THSD7B: variants seen among roughly 807,000 people sequenced by gnomAD.
The protein encoded by THSD7B is thrombospondin type 1 domain containing 7B.
A neutral mutation model predicts 213.6 loss-of-function variants in THSD7B; 138 were observed. That is an observed-to-expected ratio of 0.65 (90% CI 0.56 to 0.74). The LOEUF is 0.74. Ranked by LOEUF, THSD7B falls within the 30% of genes least tolerant of loss-of-function variation. The probability of loss-of-function intolerance (pLI) is 0.00; values close to 1 mark genes in which losing one functional copy is unlikely to be tolerated. For synonymous variants in THSD7B, 742 were observed against 687.0 expected (o/e 1.08, Z -1.25); for missense variants, 1,931 against 1,991.5 (o/e 0.97, Z 0.58).
At chr2:137,612,381 T>C (rs1015368396) in intron 17 of THSD7B, among the ~76,000 whole-genome samples, 1 of 152,150 alleles carries the variant, frequency 6.6e-6, no homozygotes, top group Non-Finnish European at 1.5e-5. Context: ...GTAATTCTGG[T>C]TACCCCTATT....
chr2:137,403,115 C>T (rs532697692), intron 12 of THSD7B, among the ~76,000 whole-genome samples: 1 of 151,984 alleles, frequency 6.6e-6, no homozygotes, highest in South Asian at 2.1e-4. Flanking sequence ...GTCCCTGCGA[C>T]GTGGATAAAA....
intron 12 of THSD7B, among the ~76,000 whole-genome samples, chr2:137,359,850 C>T (rs1356791059): frequency 6.6e-6 from 1 of 152,132 alleles, no homozygotes; most frequent in Non-Finnish European, 1.5e-5. Context: ...TCCGCCAACC[C>T]CACATTCACA....
chr2:136,848,254 C>T (rs1013406857), intron 1 of THSD7B, among the ~76,000 whole-genome samples: 9 of 152,120 alleles, frequency 5.9e-5, no homozygotes, highest in South Asian at 2.1e-4. Context: ...TACTATTAGG[C>T]GGCCCAGTGC....
intron 2 of THSD7B, among the ~76,000 whole-genome samples, chr2:136,946,749 T>G (rs554055517): frequency 1.3e-5 from 2 of 152,342 alleles, no homozygotes; most frequent in African/African-American, 4.8e-5. Flanking sequence ...TCTACTGCGC[T>G]AGCAGTGAGC....
intron 1 of THSD7B, among the ~76,000 whole-genome samples, chr2:136,786,640 T>C (rs72975544): frequency 0.015 from 2,294 of 152,272 alleles, 63 homozygotes; most frequent in African/African-American, 0.052. Context: ...TTTTGTATAA[T>C]TCAGATTGCA....
At chr2:136,990,309 A>G (rs540973744) in intron 2 of THSD7B, among the ~76,000 whole-genome samples, 2 of 152,338 alleles carry the variant, frequency 1.3e-5, no homozygotes, top group Non-Finnish European at 2.9e-5. Flanking sequence ...ATCCTTTCAG[A>G]TAGATTGGTC....
chr2:136,833,386 A>AAAAG (rs397968200), intron 1 of THSD7B, among the ~76,000 whole-genome samples: 26 of 128,436 alleles, frequency 2.0e-4, no homozygotes, highest in African/African-American at 6.9e-4. Context: ...AAAAAAAAAA[A>AAAAG]GAGAGAGAGA....
chr2:137,676,714 C>A lies in THSD7B; in HGVS notation c.*109C>A. The stretch of plus-strand genomic sequence containing the variant: ...GAATCTCAAGATGTGATATATTGGG[C>A]AGAATACAAATATTGCAAAAGTAAT... On this transcript the variant is annotated 3_prime_UTR_variant, in exon 28 of 28. Coordinates refer to ENST00000409968, the MANE Select transcript of THSD7B (RefSeq NM_001316349.2). The A allele has an allele frequency of 3.2e-6, 3 of 946,844 alleles. No individual in the cohort carries two copies. The highest frequency in any genetic ancestry group is 4.5e-6 in the Non-Finnish European group (3 of 671,582). The allele number at this position is 946,844 out of a possible 1,614,324, so 58.7% of individuals were successfully genotyped here.
At chr2:137,162,917 G>A (rs986212736) in intron 6 of THSD7B, among the ~76,000 whole-genome samples, 1 of 152,084 alleles carries the variant, frequency 6.6e-6, no homozygotes, top group Non-Finnish European at 1.5e-5. Flanking sequence ...GCGCCACCAT[G>A]TCTGATTAAT....
chr2:136,789,140 G>A (rs577862149), intron 1 of THSD7B, among the ~76,000 whole-genome samples: 1 of 152,096 alleles, frequency 6.6e-6, no homozygotes, highest in Admixed American at 6.6e-5. Context: ...ATTATTGCAA[G>A]GATTGAATAA....
intron 15 of THSD7B, among the ~76,000 whole-genome samples, chr2:137,515,685 G>T (rs891331457): frequency 6.6e-6 from 1 of 152,170 alleles, no homozygotes; most frequent in Non-Finnish European, 1.5e-5. Flanking sequence ...TGCATTTTAT[G>T]TTGCAGCTCA....
intron 2 of THSD7B, among the ~76,000 whole-genome samples, chr2:136,958,649 C>T (rs1297651219): frequency 1.3e-5 from 2 of 152,280 alleles, no homozygotes; most frequent in African/African-American, 4.8e-5. Flanking sequence ...GAAAGAAAGA[C>T]TCTTTAATTA....
At chr2:137,603,917 C>A (rs1682121799) in intron 17 of THSD7B, among the ~76,000 whole-genome samples, 2 of 152,042 alleles carry the variant, frequency 1.3e-5, no homozygotes, top group Non-Finnish European at 2.9e-5. Context: ...TCAAGAGTAG[C>A]CTGGCCAACA....
chr2:137,492,086 T>G (rs1341216006), intron 15 of THSD7B, among the ~76,000 whole-genome samples: 1 of 152,152 alleles, frequency 6.6e-6, no homozygotes, highest in Non-Finnish European at 1.5e-5. Context: ...TCAACTAAAT[T>G]CATTCTTTAC....
chr2:137,069,521 T>C (rs915050253), intron 3 of THSD7B, among the ~76,000 whole-genome samples: 1 of 152,006 alleles, frequency 6.6e-6, no homozygotes, highest in African/African-American at 2.4e-5. Context: ...AGAGCTATGA[T>C]TATTTGGTAC....
chr2:136,967,134 G>A (rs527332878), intron 2 of THSD7B, among the ~76,000 whole-genome samples: 2 of 152,204 alleles, frequency 1.3e-5, no homozygotes, highest in Admixed American at 6.5e-5. Context: ...ACTGAAAAAA[G>A]CATTTCTTAG....
chr2:137,500,433 T>C (rs774039979), intron 15 of THSD7B, among the ~76,000 whole-genome samples: 1 of 152,206 alleles, frequency 6.6e-6, no homozygotes, highest in Non-Finnish European at 1.5e-5. Context: ...CAGTTTAACA[T>C]GTGCTGCAGT....
At chr2:136,836,472 C>G (rs1682844193) in intron 1 of THSD7B, among the ~76,000 whole-genome samples, 1 of 152,266 alleles carries the variant, frequency 6.6e-6, no homozygotes, top group Non-Finnish European at 1.5e-5. Context: ...TGTACATTCA[C>G]TTTTTGTATA....
At chr2:137,460,070 G>A (rs1285325318) in intron 15 of THSD7B, among the ~76,000 whole-genome samples, 1 of 152,094 alleles carries the variant, frequency 6.6e-6, no homozygotes, top group Non-Finnish European at 1.5e-5. Context: ...ATCACTCCTT[G>A]TCTGCATGAT....
Sources: gnomAD v4.1 joint callset for allele counts (sites outside exome capture counted in the v4.1 genomes callset) on GRCh38, gnomAD v4.1.1 for gene constraint, MANE v1.5 for transcripts, NCBI Gene and HGNC (gene_info 2026-07-23, HGNC 2026-07-21) for gene names.